HEATR4: variants seen among roughly 807,000 people sequenced by gnomAD.
HEATR4 encodes the protein HEAT repeat-containing protein 4.
Under a neutral mutation model 108.8 loss-of-function variants are expected in HEATR4, and 95 were observed. That is an observed-to-expected ratio of 0.87 (90% CI 0.74 to 1.04). The LOEUF (loss-of-function observed/expected upper bound fraction) is 1.04, where lower values mean the gene tolerates loss of function less well. Among genes scored for constraint, HEATR4 ranks in the 50% least tolerant of loss-of-function variants. The pLI is 0.00. For missense variants in HEATR4, 1,152 were observed against 1,253.8 expected, an observed-to-expected ratio of 0.92 and a Z score of 1.23; for synonymous variants, 443 against 459.4, an observed-to-expected ratio of 0.96 and a Z score of 0.46.
At chr14:73,525,289 T>G (rs753990919) in intron 2 of HEATR4, among the ~76,000 whole-genome samples, 1 of 152,176 alleles carries the variant, frequency 6.6e-6, no homozygotes, top group Non-Finnish European at 1.5e-5. Flanking sequence ...TGCCTTGGCT[T>G]CTCAAAGCGT....
chr14:73,569,321 C>T, the HEATR4 span: 1 of 1,613,956 alleles, frequency 6.2e-7, no homozygotes, highest in Non-Finnish European at 8.5e-7. Flanking sequence ...CTCCTGCTGT[C>T]CTTCGAGCGT....
chr14:73,500,563 A>G lies in HEATR4; in HGVS notation c.2273T>C (p.Ile758Thr), dbSNP rs1489527111. The G allele has an allele frequency of 6.2e-7, 1 of 1,613,156 alleles. No homozygotes were observed. The highest frequency in any genetic ancestry group is 1.7e-5 in the Admixed American group (1 of 59,978). ...TCCCTGACTCACCATCTTGTCGCGG[A>G]TCTGCAGGGCACCAGCTGCCAAACA... is the stretch of plus-strand genomic sequence containing the variant. ...AACLAAGALQ[I>T]RDKMVLECLL... Residue 758 changes from isoleucine to threonine, a missense_variant, in exon 12 of 18, where the codon ATC becomes ACC. Ile to Thr is a moderately conservative substitution (Grantham distance 89). Coordinates refer to ENST00000553558, the MANE Select transcript of HEATR4 (RefSeq NM_001220484.1).
intron 11 of HEATR4, 126 bp downstream of exon 11, chr14:73,502,769 G>A (rs555141796): frequency 2.8e-5 from 20 of 716,638 alleles, no homozygotes; most frequent in Non-Finnish European, 3.5e-5. Context: ...GGATGGTCTC[G>A]ATCTCCTGAC....
At chr14:73,632,843 CA>C in the HEATR4 span, among the ~76,000 whole-genome samples, 1,522 of 109,186 alleles carry the variant, frequency 0.014, 37 homozygotes, top group African/African-American at 0.054. Flanking sequence ...GACCCTGTCT[CA>C]AAAAAAAAAA....
In HEATR4 at chr14:73,496,682, G is replaced by A. The variant is rs767609755; in HGVS notation, c.2547-3C>T. The A allele has an allele frequency of 6.7e-7, 1 of 1,485,190 alleles. No homozygotes were observed. The highest frequency in any genetic ancestry group is 9.4e-7 in the Non-Finnish European group (1 of 1,063,790). The allele number at this position is 1,485,190 out of a possible 1,614,324, so 92.0% of individuals were successfully genotyped here. ...TCTTCATTGTCTGGTACATTTCTCTGAAAGATAAGAAGGGCTTCTTAGATT... is the reference window on the plus strand; with the variant it reads ...TCTTCATTGTCTGGTACATTTCTCTAAAAGATAAGAAGGGCTTCTTAGATT... On this transcript the variant is annotated splice_region_variant and splice_polypyrimidine_tract_variant and intron_variant, in intron 14 of 17. Transcript: ENST00000553558.
At chr14:73,496,793 G>C in intron 14 of HEATR4, 114 bp from the exon 15 acceptor site, 2 of 659,386 alleles carry the variant, frequency 3.0e-6, no homozygotes, top group Non-Finnish European at 5.4e-6. Context: ...AATCCTAACT[G>C]TGCAGTTTTG....
the HEATR4 span, among the ~76,000 whole-genome samples, chr14:73,576,529 T>A: frequency 6.6e-6 from 1 of 151,506 alleles, no homozygotes; most frequent in Non-Finnish European, 1.5e-5. Context: ...AGGCTTGGCG[T>A]TGGTGACTCA....
At chr14:73,564,504 G>A in the HEATR4 span, among the ~76,000 whole-genome samples, 1 of 151,570 alleles carries the variant, frequency 6.6e-6, no homozygotes, top group Non-Finnish European at 1.5e-5. Flanking sequence ...TGCTCAGGAG[G>A]CTGAGGTGGG....
At chr14:73,576,667 A>G in the HEATR4 span, among the ~76,000 whole-genome samples, 1 of 151,232 alleles carries the variant, frequency 6.6e-6, no homozygotes, top group South Asian at 2.1e-4. Context: ...TTGGTGGTGC[A>G]TGCCTGTAGT....
intron 8 of HEATR4, 30 bp downstream of exon 8, chr14:73,509,282 C>T (rs762969642): frequency 7.5e-6 from 12 of 1,606,052 alleles, no homozygotes; most frequent in Non-Finnish European, 1.0e-5. Context: ...TCCCATATTT[C>T]CAGGTCAGAA....
the HEATR4 span, chr14:73,619,972 C>T: frequency 2.9e-4 from 309 of 1,063,516 alleles, no homozygotes; most frequent in East Asian, 8.3e-3. Context: ...AGTGCAGTGG[C>T]ATAATCTTGG....
At chr14:73,513,410 A>C (rs559645902) in intron 6 of HEATR4, among the ~76,000 whole-genome samples, 1 of 150,026 alleles carries the variant, frequency 6.7e-6, no homozygotes, top group South Asian at 2.1e-4. Flanking sequence ...AGTGAGCCCA[A>C]ATCAAGTGCC....
the HEATR4 span, chr14:73,591,923 G>A: frequency 9.6e-6 from 13 of 1,352,112 alleles, no homozygotes; most frequent in Admixed American, 4.1e-5. Flanking sequence ...GACGGGTCTC[G>A]GGCCTCGACC....
intron 4 of HEATR4, among the ~76,000 whole-genome samples, chr14:73,519,801 A>G (rs1202055366): frequency 6.6e-6 from 1 of 152,162 alleles, no homozygotes. Context: ...GCGGATCACA[A>G]GGTCAAGAGA....
intron 6 of HEATR4, among the ~76,000 whole-genome samples, chr14:73,513,086 T>A (rs973688787): frequency 5.9e-5 from 9 of 152,234 alleles, no homozygotes; most frequent in Non-Finnish European, 1.2e-4. Context: ...TAGTCAACTA[T>A]GACATGGACA....
Position 73,521,138 on chromosome 14 carries a change from C to A in HEATR4, c.882-99G>T, listed in dbSNP as rs1285315343. 2.9e-6 allele frequency: 3 copies of A among 1,038,178 alleles called. No homozygotes were observed. In the African/African-American group the frequency reaches 4.8e-5, roughly 16 times the overall value. The allele number at this position is 1,038,178 out of a possible 1,614,324, so 64.3% of individuals were successfully genotyped here. A position where few individuals can be genotyped will look rare whatever the true frequency, so the allele number is the denominator to read the frequency against. On this transcript the variant is annotated intron_variant, in intron 3 of 17. Transcript: ENST00000553558. ...GCTCGTTCCCTTTCCTCTTTAAGCT[C>A]AGCTCCTATACACGTGAGCATTGCA...
the HEATR4 span, among the ~76,000 whole-genome samples, chr14:73,610,271 T>C: frequency 6.6e-6 from 1 of 150,504 alleles, no homozygotes; most frequent in Non-Finnish European, 1.5e-5. Flanking sequence ...TGCACCGAGA[T>C]TGTTTCAGTC....
At chr14:73,488,334 G>C (rs1390138193) in intron 17 of HEATR4, among the ~76,000 whole-genome samples, 4 of 152,164 alleles carry the variant, frequency 2.6e-5, no homozygotes, top group Admixed American at 2.0e-4. Context: ...GCAGTAGCGT[G>C]ATCTTGACTC....
the HEATR4 span, among the ~76,000 whole-genome samples, chr14:73,570,326 T>G: frequency 6.6e-6 from 1 of 151,502 alleles, no homozygotes; most frequent in Non-Finnish European, 1.5e-5. Flanking sequence ...TCCCAGCACT[T>G]TGGGAAGTCT....
Sources: allele counts gnomAD v4.1 joint callset (sites outside exome capture counted in the v4.1 genomes callset), GRCh38; gene constraint gnomAD v4.1.1; transcripts MANE v1.5; gene names NCBI Gene and HGNC (gene_info 2026-07-23, HGNC 2026-07-21).